DGKH: variants seen among roughly 807,000 people sequenced by gnomAD.
The protein encoded by DGKH is diacylglycerol kinase eta, also known as DAG kinase eta.
A neutral mutation model predicts 159.3 loss-of-function variants in DGKH; 90 were observed. The ratio of observed to expected loss-of-function variants is 0.57; its 90% CI spans 0.48 to 0.67. The LOEUF is 0.67. Among genes scored for constraint, DGKH ranks in the 30% least tolerant of loss-of-function variants. The pLI, the probability that DGKH is intolerant of heterozygous loss-of-function variation, is 0.00. For synonymous variants in DGKH, 536 were observed against 553.8 expected, an observed-to-expected ratio of 0.97 and a Z score of 0.45; for missense variants, 1,181 against 1,506.1, an observed-to-expected ratio of 0.78 and a Z score of 3.57.
At chr13:42,114,183 A>C (rs1954922170) in intron 1 of DGKH, among the ~76,000 whole-genome samples, 1 of 152,170 alleles carries the variant, frequency 6.6e-6, no homozygotes, top group Non-Finnish European at 1.5e-5. Flanking sequence ...GGGGGAAAAA[A>C]GTCCAGAATA....
At chr13:42,057,823 G>T (rs1881873745) in intron 1 of DGKH, among the ~76,000 whole-genome samples, 1 of 152,162 alleles carries the variant, frequency 6.6e-6, no homozygotes, top group Admixed American at 6.5e-5. Flanking sequence ...GAGAAATAGA[G>T]CATGGCTGTG....
chr13:42,210,913 A>G, intron 24 of DGKH, 148 bp downstream of exon 24: 3 of 694,482 alleles, frequency 4.3e-6, no homozygotes, highest in Non-Finnish European at 6.9e-6. Flanking sequence ...ATTATTGTTT[A>G]TTTCTCCATT....
At chr13:42,065,132 A>ACGT (rs929444064) in intron 1 of DGKH, among the ~76,000 whole-genome samples, 8 of 152,360 alleles carry the variant, frequency 5.3e-5, no homozygotes, top group African/African-American at 1.9e-4. Context: ...GCACCTCCGA[A>ACGT]CGTCAGAAGG....
chr13:42,105,261 G>C (rs951510495), intron 1 of DGKH, among the ~76,000 whole-genome samples: 4 of 152,132 alleles, frequency 2.6e-5, no homozygotes, highest in African/African-American at 9.7e-5. Flanking sequence ...CAGAGAGAGA[G>C]AGAGAGAGGA....
rs758028199 is a variant in DGKH at position 42,155,780 on chromosome 13, C to T, written c.603C>T (p.Ser201=). 7 of 1,614,036 alleles carry T rather than the reference C, an allele frequency of 4.3e-6. 1 individual carries two copies. In the South Asian group the frequency reaches 7.7e-5, roughly 18 times the overall value. Residue 201 remains serine, a synonymous_variant, in exon 5 of 30, where the codon TCC becomes TCT. Transcript: ENST00000337343. ...GAGAGAGTCTTTCTGGAGTCACCTC[C>T]CATGGCCTGTCCTGCGAAGGTACTG... The part of the protein sequence containing the change: ...VCRESLSGVT[S]HGLSCEVCKF...
chr13:42,229,421 T>G lies in DGKH; in HGVS notation c.*233T>G, dbSNP rs1310023307. 1 of 432,600 alleles carries G rather than the reference T, an allele frequency of 2.3e-6. No homozygotes were observed. The highest frequency in any genetic ancestry group is 4.3e-5 in the Admixed American group (1 of 23,120). The allele number at this position is 432,600 out of a possible 1,614,324, so 26.8% of individuals were successfully genotyped here. A position where few individuals can be genotyped will look rare whatever the true frequency, so the allele number is the denominator to read the frequency against. The stretch of plus-strand genomic sequence containing the variant: ...TTCTTTTTGTGCAAACCTGACATGT[T>G]CAAATATATTCACAATGGTAATAAG... On this transcript the variant is annotated 3_prime_UTR_variant, in exon 30 of 30. Transcript: ENST00000337343.
exon 31 of DGKH, chr13:42,256,472 T>A: frequency 7.5e-7 from 1 of 1,334,910 alleles, no homozygotes; most frequent in Non-Finnish European, 1.1e-6. Context: ...TGAACTTGGC[T>A]ATCTCACACC....
At chr13:42,219,859 A>G in intron 28 of DGKH, 65 bp downstream of exon 28, 2 of 1,435,424 alleles carry the variant, frequency 1.4e-6, no homozygotes, top group South Asian at 1.2e-5. Context: ...AAGTGACATC[A>G]TGGAGGTCGT....
chr13:42,224,610 T>TA (rs1215306368), intron 29 of DGKH, among the ~76,000 whole-genome samples: 1 of 152,194 alleles, frequency 6.6e-6, no homozygotes, highest in African/African-American at 2.4e-5. Context: ...TTCTAGGGAA[T>TA]AAAAACTCAC....
At chr13:42,226,445 G>C (rs1454332609) in intron 29 of DGKH, among the ~76,000 whole-genome samples, 1 of 152,056 alleles carries the variant, frequency 6.6e-6, no homozygotes, top group Non-Finnish European at 1.5e-5. Context: ...CCCATTACTG[G>C]GTATATACCC....
At chr13:42,159,244 C>CTTTGTTTTTTTTTTTTTTTTTTT (rs1956116047) in intron 5 of DGKH, 22 bp from the exon 6 acceptor site, 1 of 200,416 alleles carries the variant, frequency 5.0e-6, no homozygotes, top group African/African-American at 3.9e-5. Flanking sequence ...AGCAGTTGCT[C>CTTTGTTTTTTTTTTTTTTTTTTT]TTTTTTTTTT....
rs143289396 is a variant in DGKH at position 42,054,706 on chromosome 13, T to C, written c.192+5741T>C. ...TGACTGTAGTAATAATAAAGCATTGTATACTTGAAAATTGCTAAGAGTAGA... is the reference window on the plus strand; with the variant it reads ...TGACTGTAGTAATAATAAAGCATTGCATACTTGAAAATTGCTAAGAGTAGA... On this transcript the variant is annotated intron_variant, in intron 1 of 29. Coordinates refer to ENST00000337343, the MANE Select transcript of DGKH (RefSeq NM_178009.5). 5.8e-3 allele frequency among the ~76,000 whole-genome samples: 887 copies of C among 152,304 alleles called. 9 individuals are homozygous for C. Among genetic ancestry groups the C allele is most frequent in the African/African-American group, 0.02 (849 of 41,560 alleles).
At chr13:42,150,623 G>T (rs544324054) in intron 3 of DGKH, among the ~76,000 whole-genome samples, 1 of 152,182 alleles carries the variant, frequency 6.6e-6, no homozygotes, top group East Asian at 1.9e-4. Context: ...TGTTTAATGA[G>T]CTTAATTATT....
intron 25 of DGKH, among the ~76,000 whole-genome samples, chr13:42,215,216 GTTC>G (rs1957759038): frequency 6.6e-6 from 1 of 151,434 alleles, no homozygotes; most frequent in African/African-American, 2.4e-5. Context: ...TTAAGTGCTT[GTTC>G]TCAAGATAAT....
downstream of DGKH, among the ~76,000 whole-genome samples, chr13:42,244,530 G>A (rs1958561309): frequency 6.6e-6 from 1 of 152,236 alleles, no homozygotes; most frequent in African/African-American, 2.4e-5. Flanking sequence ...CAGCATCACT[G>A]AGCAGAGTGT....
At chr13:42,196,626 G>A (rs1200691002) in intron 17 of DGKH, among the ~76,000 whole-genome samples, 1 of 152,182 alleles carries the variant, frequency 6.6e-6, no homozygotes, top group Admixed American at 6.5e-5. Context: ...GAGGTGAGGT[G>A]ATCGACGGAA....
chr13:42,092,040 G>A (rs573808051), intron 1 of DGKH, among the ~76,000 whole-genome samples: 1 of 152,230 alleles, frequency 6.6e-6, no homozygotes, highest in South Asian at 2.1e-4. Context: ...CTGTATGAGT[G>A]TTCATTTCAC....
chr13:42,172,093 G>T (rs1956473861), intron 11 of DGKH, among the ~76,000 whole-genome samples: 1 of 145,990 alleles, frequency 6.8e-6, no homozygotes, highest in African/African-American at 2.6e-5. Context: ...CTCCCAAAGT[G>T]CTGGGATTAT....
At chr13:42,213,468 G>A (rs1401408136) in intron 24 of DGKH, among the ~76,000 whole-genome samples, 2 of 152,124 alleles carry the variant, frequency 1.3e-5, no homozygotes, top group African/African-American at 4.8e-5. Flanking sequence ...ATCTGAAGTT[G>A]ATTTATGTCT....
Sources: allele counts gnomAD v4.1 joint callset (sites outside exome capture counted in the v4.1 genomes callset), GRCh38; gene constraint gnomAD v4.1.1; transcripts MANE v1.5; gene names NCBI Gene and HGNC (gene_info 2026-07-23, HGNC 2026-07-21).